Variants in MAGOH observed in about 807,000 individuals in gnomAD.
MAGOH encodes protein mago nashi homolog.
A neutral mutation model predicts 20.9 loss-of-function variants in MAGOH; 3 were observed. That is an observed-to-expected ratio of 0.14 (90% CI 0.07 to 0.37). The LOEUF is 0.37. Among genes scored for constraint, MAGOH ranks in the 10% least tolerant of loss-of-function variants. The pLI is 1.00. For missense variants in MAGOH, 66 were observed against 178.1 expected (o/e 0.37, Z 3.58); for synonymous variants, 51 against 61.0 (o/e 0.84, Z 0.76).
chr1:53,228,851 A>G, intron 4 of MAGOH, 21 bp downstream of exon 4: 1 of 1,557,174 alleles, frequency 6.4e-7, no homozygotes, highest in South Asian at 1.1e-5. Flanking sequence ...ACAACTGGAT[A>G]TAAGGATCAT....
At chr1:53,233,800 T>A in intron 2 of MAGOH, 148 bp from the exon 3 acceptor site, 1 of 613,538 alleles carries the variant, frequency 1.6e-6, no homozygotes, top group Non-Finnish European at 3.0e-6. Context: ...AACCTCGGCA[T>A]GATGCAGGTG....
intron 1 of MAGOH, among the ~76,000 whole-genome samples, chr1:53,237,673 C>CAAAAACAAAAAAAAA (rs1645619209): frequency 1.8e-5 from 1 of 55,330 alleles, no homozygotes; most frequent in Non-Finnish European, 3.5e-5. Flanking sequence ...AAAGCCGTCT[C>CAAAAACAAAAAAAAA]AAAAAAAAAA....
At chr1:53,231,216 T>C (rs1343653393) in intron 3 of MAGOH, among the ~76,000 whole-genome samples, 4 of 152,242 alleles carry the variant, frequency 2.6e-5, no homozygotes, top group Non-Finnish European at 5.9e-5. Context: ...TTGTAAGTTA[T>C]CTATTCATAA....
At chr1:53,236,242 A>G (rs751001478) in intron 1 of MAGOH, among the ~76,000 whole-genome samples, 13 of 152,216 alleles carry the variant, frequency 8.5e-5, no homozygotes, top group Non-Finnish European at 1.0e-4. Flanking sequence ...ATTTATTCCA[A>G]CAGCCTCTGT....
intron 2 of MAGOH, 152 bp from the exon 3 acceptor site, chr1:53,233,804 G>A (rs1645597758): frequency 3.3e-6 from 2 of 605,564 alleles, no homozygotes; most frequent in African/African-American, 3.7e-5. Flanking sequence ...TCGGCATGAT[G>A]CAGGTGAGGG....
Position 53,238,486 on chromosome 1 carries a change from C to A in MAGOH, c.-38G>T, listed in dbSNP as rs918226658. On this transcript the variant is annotated 5_prime_UTR_variant, in exon 1 of 5. Transcript: ENST00000371470. ...ACAACCGAGCCTGAACTTCCAAGAG[C>A]AAGCCGCACTGCCGCCGTCTGCGCC... 4 of 1,576,960 alleles carry A rather than the reference C, an allele frequency of 2.5e-6. No homozygotes were observed. Among genetic ancestry groups the A allele is most frequent in the Admixed American group, 1.7e-5 (1 of 59,938 alleles).
chr1:53,237,859 T>G (rs1464034285), intron 1 of MAGOH, among the ~76,000 whole-genome samples: 1 of 151,984 alleles, frequency 6.6e-6, no homozygotes, highest in Non-Finnish European at 1.5e-5. Context: ...AGCCTTGACA[T>G]CTGGTATTCC....
At position 53,238,382 on chromosome 1, in the gene MAGOH, C is replaced by T; in HGVS notation, c.67G>A (p.Glu23Lys). The stretch of plus-strand genomic sequence containing the variant: ...TTACCGTCCGGTCGAAACTCAAACT[C>T]CAGGAACTCGTGGCCGAACTTGCCC... ...HKGKFGHEFL[E>K]FEFRPDGKLR... The change falls in exon 1 of 5, where the codon GAG becomes AAG. Residue 23 changes from glutamate to lysine, a missense_variant. Physicochemically the swap from Glu to Lys is moderately conservative, Grantham distance 56. Coordinates refer to ENST00000371470, the MANE Select transcript of MAGOH (RefSeq NM_002370.4). The T allele has an allele frequency of 6.2e-7, 1 of 1,614,166 alleles. No individual in the cohort carries two copies. Among genetic ancestry groups the T allele is most frequent in the Non-Finnish European group, 8.5e-7 (1 of 1,179,984 alleles).
chr1:53,228,031 T>C (rs754894514), intron 4 of MAGOH, among the ~76,000 whole-genome samples: 12 of 152,216 alleles, frequency 7.9e-5, no homozygotes, highest in African/African-American at 1.4e-4. Flanking sequence ...TTCTAAGGAT[T>C]CTTTGTAGCA....
intron 3 of MAGOH, 95 bp from the exon 4 acceptor site, chr1:53,229,049 C>A (rs932833124): frequency 1.2e-5 from 10 of 803,284 alleles, no homozygotes; most frequent in Non-Finnish European, 1.9e-5. Context: ...ACAAACTTGA[C>A]TACAGATGGC....
In MAGOH at chr1:53,238,374, C is replaced by A; in HGVS notation, c.75G>T (p.Glu25Asp). ...GGCTGCTTTTACCGTCCGGTCGAAA[C>A]TCAAACTCCAGGAACTCGTGGCCGA... ...GKFGHEFLEF[E>D]FRPDGKLRYA... Residue 25 changes from glutamate (E) to aspartate (D), a missense_variant, in exon 1 of 5, where the codon GAG becomes GAT. Coordinates refer to ENST00000371470, the MANE Select transcript of MAGOH (RefSeq NM_002370.4). 1 of 1,614,184 alleles carries A rather than the reference C, an allele frequency of 6.2e-7. No homozygotes were observed. The highest frequency in any genetic ancestry group is 8.5e-7 in the Non-Finnish European group (1 of 1,179,990).
chr1:53,234,883 T>C (rs571821945), intron 2 of MAGOH, among the ~76,000 whole-genome samples: 15 of 152,256 alleles, frequency 9.9e-5, no homozygotes, highest in Non-Finnish European at 2.1e-4. Context: ...CTTAATGATG[T>C]AGTAGAAATC....
chr1:53,234,413 GC>G (rs1251495552), intron 2 of MAGOH, among the ~76,000 whole-genome samples: 1 of 138,512 alleles, frequency 7.2e-6, no homozygotes, highest in Non-Finnish European at 1.5e-5. Flanking sequence ...TTGCTCTGTC[GC>G]CCAGGCTGGA....
intron 3 of MAGOH, 80 bp downstream of exon 3, chr1:53,233,461 CA>C: frequency 2.2e-6 from 2 of 918,514 alleles, no homozygotes; most frequent in Non-Finnish European, 3.5e-6. Context: ...AGATAGGCAA[CA>C]AAAGCTTTAA....
At chr1:53,231,383 A>G (rs1026682632) in intron 3 of MAGOH, among the ~76,000 whole-genome samples, 3 of 152,162 alleles carry the variant, frequency 2.0e-5, no homozygotes, top group Non-Finnish European at 2.9e-5. Flanking sequence ...TGTCAAACCT[A>G]AGTTGTAAAG....
In MAGOH at chr1:53,226,927, T is replaced by G. The variant is rs999575126; in HGVS notation, c.*118A>C. On this transcript the variant is annotated 3_prime_UTR_variant, in exon 5 of 5. Transcript: ENST00000371470. ...CAGGTCTTTATAAAATAATAAAAATTGGATTTTATCACATATTTATTAAAG... is the reference window on the plus strand; with the variant it reads ...CAGGTCTTTATAAAATAATAAAAATGGGATTTTATCACATATTTATTAAAG... 9 of 618,920 alleles carry G rather than the reference T, an allele frequency of 1.5e-5. No individual in the cohort carries two copies. Among genetic ancestry groups the G allele is most frequent in the Non-Finnish European group, 2.6e-5 (9 of 351,340 alleles). The allele number at this position is 618,920 out of a possible 1,614,324, so 38.3% of individuals were successfully genotyped here.
At chr1:53,227,958 G>A (rs1475069496) in intron 4 of MAGOH, among the ~76,000 whole-genome samples, 1 of 152,132 alleles carries the variant, frequency 6.6e-6, no homozygotes, top group Non-Finnish European at 1.5e-5. Flanking sequence ...CCCAACATTT[G>A]CCAAAAGTGA....
chr1:53,233,841 C>T (rs971752845), intron 2 of MAGOH, 189 bp from the exon 3 acceptor site: 8 of 523,174 alleles, frequency 1.5e-5, no homozygotes, highest in East Asian at 1.3e-4. Context: ...CCAGTAACTG[C>T]ACCTCAGTCC....
At chr1:53,228,641 T>C (rs1046123151) in intron 4 of MAGOH, among the ~76,000 whole-genome samples, 2 of 152,152 alleles carry the variant, frequency 1.3e-5, no homozygotes, top group African/African-American at 4.8e-5. Context: ...AATCTATATG[T>C]GTGTGTCAAC....
Sources: allele counts gnomAD v4.1 joint callset (sites outside exome capture counted in the v4.1 genomes callset), GRCh38; gene constraint gnomAD v4.1.1; transcripts MANE v1.5; gene names NCBI Gene and HGNC (gene_info 2026-07-23, HGNC 2026-07-21).